The following BMP5 variants were observed in gnomAD, a reference collection of about 807,000 sequenced individuals.
The protein encoded by BMP5 is bone morphogenetic protein 5.
BMP5 carries 23 observed loss-of-function variants against 46.6 expected under a neutral mutation model. The observed-to-expected ratio is 0.49, with a 90% confidence interval of 0.35 to 0.70. The LOEUF (loss-of-function observed/expected upper bound fraction) is 0.70, where lower values mean the gene tolerates loss of function less well. BMP5 is among the 30% of genes least tolerant of loss of function. BMP5 has a pLI of 0.00. For synonymous variants in BMP5, 204 were observed against 191.9 expected (o/e 1.06, Z -0.52); for missense variants, 545 against 565.6 (o/e 0.96, Z 0.37).
At chr6:55,853,025 G>A (rs1341473345) in intron 1 of BMP5, among the ~76,000 whole-genome samples, 2 of 151,832 alleles carry the variant, frequency 1.3e-5, no homozygotes, top group African/African-American at 4.8e-5. Flanking sequence ...AGCTACTCAG[G>A]AGACTGAGGC....
chr6:55,787,918 C>T (rs921009363), intron 3 of BMP5, among the ~76,000 whole-genome samples: 2 of 151,314 alleles, frequency 1.3e-5, no homozygotes, highest in Admixed American at 1.3e-4. Flanking sequence ...TGGGAAATAC[C>T]ATTTACATGG....
At chr6:55,817,372 TGGA>T (rs1414551426) in intron 2 of BMP5, among the ~76,000 whole-genome samples, 168 of 152,142 alleles carry the variant, frequency 1.1e-3, no homozygotes, top group African/African-American at 4.0e-3. Flanking sequence ...AATGATAGAC[TGGA>T]TTAAGAAAAT....
At chr6:55,848,626 T>A (rs188296699) in intron 1 of BMP5, among the ~76,000 whole-genome samples, 1 of 151,834 alleles carries the variant, frequency 6.6e-6, no homozygotes, top group African/African-American at 2.4e-5. Context: ...GAGTTGGGAG[T>A]TTATGCTGTG....
At chr6:55,848,359 CTA>C (rs1441787496) in intron 1 of BMP5, among the ~76,000 whole-genome samples, 1 of 151,936 alleles carries the variant, frequency 6.6e-6, no homozygotes, top group Non-Finnish European at 1.5e-5. Flanking sequence ...ACTTGATTCC[CTA>C]TCTTTTCCAT....
chr6:55,842,704 T>G (rs1776991943), intron 1 of BMP5, among the ~76,000 whole-genome samples: 1 of 152,054 alleles, frequency 6.6e-6, no homozygotes, highest in Admixed American at 6.6e-5. Flanking sequence ...GTGTACACAT[T>G]CTGTTGAAGA....
intron 1 of BMP5, among the ~76,000 whole-genome samples, chr6:55,837,369 A>AGATAGATATAGATG (rs1554184993): frequency 5.4e-5 from 8 of 148,972 alleles, no homozygotes; most frequent in African/African-American, 2.1e-4. Flanking sequence ...ATAGATAGAT[A>AGATAGATATAGATG]GATAGATAGA....
chr6:55,776,817 G>A (rs1414910643), intron 3 of BMP5, among the ~76,000 whole-genome samples: 5 of 151,688 alleles, frequency 3.3e-5, no homozygotes, highest in African/African-American at 4.8e-5. Context: ...GGTTGCCAGG[G>A]GGTTTCTTTT....
intron 1 of BMP5, among the ~76,000 whole-genome samples, chr6:55,838,184 T>C (rs1389364121): frequency 1.3e-5 from 2 of 152,202 alleles, no homozygotes; most frequent in African/African-American, 4.8e-5. Context: ...AATCATTGGA[T>C]AGCTCAATTT....
At chr6:55,810,763 A>G (rs1776113095) in intron 2 of BMP5, among the ~76,000 whole-genome samples, 1 of 152,222 alleles carries the variant, frequency 6.6e-6, no homozygotes, top group Admixed American at 6.5e-5. Context: ...CAACCTTGGT[A>G]CCAAGGACAT....
intron 3 of BMP5, among the ~76,000 whole-genome samples, chr6:55,788,156 CAGG>C (rs746862822): frequency 1.9e-4 from 29 of 151,606 alleles, no homozygotes; most frequent in Admixed American, 7.2e-4. Flanking sequence ...GCATTTTAAA[CAGG>C]AGTTTTTATG....
At chr6:55,777,178 T>C (rs1384659846) in intron 3 of BMP5, among the ~76,000 whole-genome samples, 2 of 151,946 alleles carry the variant, frequency 1.3e-5, no homozygotes, top group East Asian at 3.9e-4. Flanking sequence ...AACAATACAC[T>C]TATATTGATT....
chr6:55,800,969 GT>G lies in BMP5; in HGVS notation c.684-6543del, dbSNP rs1775837215. ...GATATTTGGACTGGACCACTGAAAG[GT>G]TGATCTGAGCCACTAGCCTAAAACA... On this transcript the variant is annotated intron_variant, in intron 2 of 6. Coordinates refer to ENST00000370830, the MANE Select transcript of BMP5 (RefSeq NM_021073.4). Among the ~76,000 whole-genome samples, 3 of 152,276 alleles carry G rather than the reference GT, an allele frequency of 2.0e-5. No individual in the cohort carries two copies. In the South Asian group the frequency reaches 6.2e-4, roughly 32 times the overall value.
chr6:55,764,576 A>G (rs1774874251), intron 4 of BMP5, among the ~76,000 whole-genome samples: 1 of 151,048 alleles, frequency 6.6e-6, no homozygotes, highest in Non-Finnish European at 1.5e-5. Flanking sequence ...TGTCTCAAAA[A>G]AAAAAAAAAA....
At chr6:55,760,032 A>C (rs1487411855) in intron 5 of BMP5, among the ~76,000 whole-genome samples, 1 of 151,896 alleles carries the variant, frequency 6.6e-6, no homozygotes, top group African/African-American at 2.4e-5. Flanking sequence ...AGATAGCAAT[A>C]CATTTTTAAG....
At chr6:55,766,535 A>G (rs1007645423) in intron 4 of BMP5, among the ~76,000 whole-genome samples, 1 of 151,822 alleles carries the variant, frequency 6.6e-6, no homozygotes, top group Non-Finnish European at 1.5e-5. Context: ...TCTCTCTCCA[A>G]TCTATGATCT....
chr6:55,777,730 T>G (rs1775210554), intron 3 of BMP5, among the ~76,000 whole-genome samples: 1 of 151,866 alleles, frequency 6.6e-6, no homozygotes, highest in Non-Finnish European at 1.5e-5. Context: ...TGCAGTGATA[T>G]TTTTTTAAGT....
intron 3 of BMP5, among the ~76,000 whole-genome samples, chr6:55,787,116 A>T (rs1329496274): frequency 1.3e-5 from 2 of 151,638 alleles, no homozygotes; most frequent in Non-Finnish European, 3.0e-5. Context: ...CAGATTACCC[A>T]GCCATATAGA....
At chr6:55,756,989 G>GA (rs1331945593) in intron 6 of BMP5, among the ~76,000 whole-genome samples, 28 of 151,596 alleles carry the variant, frequency 1.8e-4, no homozygotes, top group Non-Finnish European at 2.9e-4. Flanking sequence ...CAACACCAGG[G>GA]AAAAAAAATC....
At chr6:55,775,402 T>C (rs1775151395) in intron 3 of BMP5, among the ~76,000 whole-genome samples, 1 of 152,024 alleles carries the variant, frequency 6.6e-6, no homozygotes, top group South Asian at 2.1e-4. Context: ...GAAAATTATA[T>C]TTTATATATA....
Sources: allele counts gnomAD v4.1 joint callset (sites outside exome capture counted in the v4.1 genomes callset), GRCh38; gene constraint gnomAD v4.1.1; transcripts MANE v1.5; gene names NCBI Gene and HGNC (gene_info 2026-07-23, HGNC 2026-07-21).